The following JAG2 variants were observed in gnomAD, a reference collection of about 807,000 sequenced individuals.
The protein encoded by JAG2 is protein jagged-2.
In JAG2, 46 loss-of-function variants were observed where a neutral mutation model predicts 141.7. The ratio of observed to expected loss-of-function variants is 0.32; its 90% CI spans 0.26 to 0.42. The LOEUF (loss-of-function observed/expected upper bound fraction) is 0.42. Ranked by LOEUF, JAG2 falls within the 10% of genes least tolerant of loss-of-function variation. JAG2 has a pLI of 1.00. For missense variants in JAG2, 1,500 were observed against 1,817.5 expected, an observed-to-expected ratio of 0.83 and a Z score of 3.18; for synonymous variants, 862 against 763.5, an observed-to-expected ratio of 1.13 and a Z score of -2.13.
At position 105,151,933 on chromosome 14, in the gene JAG2, C is replaced by A; in HGVS notation, c.1039+5G>T. Reference sequence around the variant, plus strand: ...CAGAATTTGGGTGGCCAGCCCCCCACGTACCCTTCTCACAGTTCCTGCCCG... The same window carrying A: ...CAGAATTTGGGTGGCCAGCCCCCCAAGTACCCTTCTCACAGTTCCTGCCCG... On this transcript the variant is annotated splice_donor_5th_base_variant and intron_variant, in intron 7 of 25. Transcript: ENST00000331782. 2 of 1,612,876 alleles carry A rather than the reference C, an allele frequency of 1.2e-6. No individual in the cohort carries two copies. The highest frequency in any genetic ancestry group is 1.1e-5 in the South Asian group (1 of 91,080).
At chr14:105,158,081 G>A (rs904808759) in intron 2 of JAG2, among the ~76,000 whole-genome samples, 11 of 152,128 alleles carry the variant, frequency 7.2e-5, no homozygotes, top group Non-Finnish European at 1.3e-4. Flanking sequence ...AAGAGCGACC[G>A]GGGGGAGAGG....
At chr14:105,150,470 C>G in intron 12 of JAG2, 134 bp downstream of exon 12, 1 of 916,278 alleles carries the variant, frequency 1.1e-6, no homozygotes, top group Non-Finnish European at 1.6e-6. Context: ...CAGTGGAGAG[C>G]TGAGCCTGGG....
intron 2 of JAG2, among the ~76,000 whole-genome samples, chr14:105,162,660 T>C (rs375088713): frequency 5.3e-4 from 74 of 140,020 alleles, no homozygotes; most frequent in African/African-American, 1.9e-3. Flanking sequence ...CAGGGCACCT[T>C]AAAGCCCAGG....
intron 24 of JAG2, 106 bp downstream of exon 24, chr14:105,144,816 GCAGTCCTT>G: frequency 7.4e-7 from 1 of 1,350,208 alleles, no homozygotes; most frequent in Non-Finnish European, 1.0e-6. Context: ...AGGCCTGCCC[GCAGTCCTT>G]CCGCACCAGG....
At chr14:105,162,701 GA>G (rs1566770241) in intron 2 of JAG2, among the ~76,000 whole-genome samples, 16 of 34,804 alleles carry the variant, frequency 4.6e-4, no homozygotes, top group Non-Finnish European at 7.2e-4. Flanking sequence ...CCAAAGTACA[GA>G]GTACCCTCCT....
In JAG2 at chr14:105,147,384, G is replaced by A. The variant is rs750473522; in HGVS notation, c.2421C>T (p.Gly807=). 15 of 1,601,360 alleles carry A rather than the reference G, an allele frequency of 9.4e-6. No individual in the cohort carries two copies. The highest frequency in any genetic ancestry group is 4.5e-5 in the East Asian group (2 of 44,134). ...CACACTCGCAGCGGAACCAGTTGAC[G>A]CCGTCAACACAGATGCCACCATTGT... ...PCYNGGICVD[G]VNWFRCECAP... The change falls in exon 20 of 26, where the codon GGC becomes GGT. Residue 807 remains glycine, a synonymous_variant. Transcript: ENST00000331782.
intron 2 of JAG2, among the ~76,000 whole-genome samples, chr14:105,159,651 A>C (rs377100577): frequency 5.9e-5 from 6 of 102,416 alleles, no homozygotes; most frequent in African/African-American, 2.4e-4. Context: ...GGTTCCATCC[A>C]CACCCCCCAA....
Position 105,151,186 on chromosome 14 carries a change from A to AGCAGCCCCCGCAGCCCCCGCAGCCCCC in JAG2, c.1268-83_1268-82insGGGGGCTGCGGGGGCTGCGGGGGCTGC, listed in dbSNP as rs1888414464. On this transcript the variant is annotated intron_variant, in intron 9 of 25. Transcript: ENST00000331782. ...CACGGGCACCTGGCACCCGCAGCCCAGCAGCCCCAGCAGCCCCAGCAGCCC... is the reference window on the plus strand; with the variant it reads ...CACGGGCACCTGGCACCCGCAGCCCAGCAGCCCCCGCAGCCCCCGCAGCCCCCGCAGCCCCAGCAGCCCCAGCAGCCC... The AGCAGCCCCCGCAGCCCCCGCAGCCCCC allele has an allele frequency of 3.6e-6, 5 of 1,403,460 alleles. No homozygotes were observed. The East Asian group carries it at 7.5e-5, about 21-fold the overall frequency. The allele number at this position is 1,403,460 out of a possible 1,614,324, so 86.9% of individuals were successfully genotyped here. A position where few individuals can be genotyped will look rare whatever the true frequency, so the allele number is the denominator to read the frequency against.
Position 105,142,585 on chromosome 14 carries a change from T to C in JAG2, c.*110A>G. On this transcript the variant is annotated 3_prime_UTR_variant, in exon 26 of 26. Transcript: ENST00000331782. The stretch of plus-strand genomic sequence containing the variant: ...AACATTTGGTTTTTGTTTTTGGTGG[T>C]TTTTTTACACAAAATAAAGAAACTA... 1 of 775,386 alleles carries C rather than the reference T, an allele frequency of 1.3e-6. No individual in the cohort carries two copies. Among genetic ancestry groups the C allele is most frequent in the Non-Finnish European group, 2.0e-6 (1 of 498,290 alleles). 48.0% of individuals were successfully genotyped at this position (775,386 alleles called of 1,614,324 possible).
rs754261690 is a variant in JAG2, at chr14:105,143,588, C to T, written c.3135G>A (p.Ala1045=). 26 of 1,606,720 alleles carry T rather than the reference C, an allele frequency of 1.6e-5. No individual in the cohort carries two copies. The highest frequency in any genetic ancestry group is 1.7e-4 in the Middle Eastern group (1 of 6,016). ...TGATGGCGGCCACGATGGCGTGGGC[C>T]GCGCCCTGGATCAGGCTGCTGTCAG... The part of the protein sequence containing the change: ...DLPDSSLIQG[A]AHAIVAAITQ... Residue 1045 remains alanine (A), a synonymous_variant, in exon 25 of 26, where the codon GCG becomes GCA. Transcript: ENST00000331782.
chr14:105,156,340 C>T (rs587703942), intron 3 of JAG2, among the ~76,000 whole-genome samples: 23 of 152,262 alleles, frequency 1.5e-4, no homozygotes, highest in African/African-American at 4.6e-4. Flanking sequence ...ACACCTGTGC[C>T]CACCCACCTG....
intron 2 of JAG2, among the ~76,000 whole-genome samples, chr14:105,162,399 G>A (rs1444344874): frequency 2.0e-5 from 3 of 151,962 alleles, no homozygotes; most frequent in Admixed American, 1.3e-4. Context: ...TCCCCAGGCA[G>A]GGGCAACAGC....
At position 105,145,757 on chromosome 14, in the gene JAG2, G is replaced by C; in HGVS notation, c.2926C>G (p.His976Asp). 1 of 1,596,996 alleles carries C rather than the reference G, an allele frequency of 6.3e-7. No homozygotes were observed. Among genetic ancestry groups the C allele is most frequent in the Non-Finnish European group, 8.5e-7 (1 of 1,172,464 alleles). ...TGGGGCACGTGGTCACGGTTGAAAT[G>C]CAAGGTGAGGCGGGCACAGTTATTG... is the stretch of plus-strand genomic sequence containing the variant. Reference protein sequence around the residue: ...LDNNCARLTLHFNRDHVPQGT... With the variant: ...LDNNCARLTLDFNRDHVPQGT... Residue 976 changes from histidine (H) to aspartate (D), a missense_variant, in exon 23 of 26, where the codon CAT (histidine) becomes GAT (aspartate). His to Asp is a moderately conservative substitution (Grantham distance 81, BLOSUM62 -1). Coordinates refer to ENST00000331782, the MANE Select transcript of JAG2 (RefSeq NM_002226.5).
chr14:105,156,413 G>A (rs917897406), intron 3 of JAG2, among the ~76,000 whole-genome samples: 2 of 152,146 alleles, frequency 1.3e-5, no homozygotes, highest in Non-Finnish European at 2.9e-5. Flanking sequence ...CACGGACATG[G>A]TGCTCAGTTG....
Position 105,150,984 on chromosome 14 carries a change from T to C in JAG2, c.1381+7A>G, listed in dbSNP as rs925618455. ...CCCACCCGCCGGCGCCCACCCCCCA[T>C]ACTGACTGATATGGCAGTTGATGCC... On this transcript the variant is annotated splice_region_variant and intron_variant, in intron 10 of 25. Coordinates refer to ENST00000331782, the MANE Select transcript of JAG2 (RefSeq NM_002226.5). 2 of 1,610,760 alleles carry C rather than the reference T, an allele frequency of 1.2e-6. No homozygotes were observed. The highest frequency in any genetic ancestry group is 1.7e-6 in the Non-Finnish European group (2 of 1,178,898).
In JAG2 at chr14:105,150,745, T is replaced by A; in HGVS notation, c.1461A>T (p.Pro487=). 1 of 1,585,628 alleles carries A rather than the reference T, an allele frequency of 6.3e-7. No individual in the cohort carries two copies. The highest frequency in any genetic ancestry group is 8.6e-7 in the Non-Finnish European group (1 of 1,166,488). ...CGCAATGCCGGCCTCCGAAGCCCCG[T>A]GGGCACACACACTGGTACCCGTTCA... ...DLVNGYQCVC[P]RGFGGRHCEL... The change falls in exon 12 of 26, where the codon CCA becomes CCT. Residue 487 remains proline, a synonymous_variant. Coordinates refer to ENST00000331782, the MANE Select transcript of JAG2 (RefSeq NM_002226.5).
chr14:105,167,682 G>A lies in JAG2; in HGVS notation c.417+75C>T. ...ACGCAGACCCGGCCGCAGGTGTTGGGGGTCGCGAAGCGCGCGGGGCCGGGG... is the reference window on the plus strand; with the variant it reads ...ACGCAGACCCGGCCGCAGGTGTTGGAGGTCGCGAAGCGCGCGGGGCCGGGG... On this transcript the variant is annotated intron_variant, in intron 2 of 25. Transcript: ENST00000331782. This position sits in a 1 kb window ranked among gnomAD's most constrained non-coding sequence, Gnocchi z 4.8. The A allele has an allele frequency of 1.5e-6, 2 of 1,310,992 alleles. No individual in the cohort carries two copies. Among genetic ancestry groups the A allele is most frequent in the South Asian group, 2.1e-5 (1 of 48,502 alleles). 81.2% of individuals were successfully genotyped at this position (1,310,992 alleles called of 1,614,324 possible).
In JAG2 at chr14:105,147,586, C is replaced by T. The variant is rs111373589; in HGVS notation, c.2366-59G>A. ...ACCCACCCCCCAAGCGTGCCAGGCA[C>T]TGTCCAGGCTGGCTTGGCGTGATCA... On this transcript the variant is annotated intron_variant, in intron 18 of 25. Coordinates refer to ENST00000331782, the MANE Select transcript of JAG2 (RefSeq NM_002226.5). 658 of 1,542,484 alleles carry T rather than the reference C, an allele frequency of 4.3e-4. 2 individuals carry two copies. In the African/African-American group the frequency reaches 7.7e-3, roughly 18 times the overall value.
chr14:105,156,002 G>A lies in JAG2; in HGVS notation c.476-13C>T, dbSNP rs1211847334. 2 of 1,600,034 alleles carry A rather than the reference G, an allele frequency of 1.2e-6. No individual in the cohort carries two copies. The highest frequency in any genetic ancestry group is 2.7e-5 in the African/African-American group (2 of 75,018). On this transcript the variant is annotated splice_polypyrimidine_tract_variant and intron_variant, in intron 3 of 25. Transcript: ENST00000331782. Reference sequence around the variant, plus strand: ...ATCAGCAGCTCCTCTTGGGGAGGCGGCAGAGTCAGCACAGGCCAGAGAAAC... The same window carrying A: ...ATCAGCAGCTCCTCTTGGGGAGGCGACAGAGTCAGCACAGGCCAGAGAAAC...
Sources: allele counts gnomAD v4.1 joint callset (sites outside exome capture counted in the v4.1 genomes callset), GRCh38; gene constraint gnomAD v4.1.1; non-coding constraint Gnocchi (gnomAD v3.1); transcripts MANE v1.5; gene names NCBI Gene and HGNC (gene_info 2026-07-23, HGNC 2026-07-21).